The following PRMT8 variants were observed in gnomAD, a reference collection of about 807,000 sequenced individuals.
PRMT8 encodes the protein protein arginine N-methyltransferase 8.
PRMT8 carries 7 observed loss-of-function variants against 47.1 expected under a neutral mutation model. The ratio of observed to expected loss-of-function variants is 0.15; its 90% CI spans 0.08 to 0.28. The LOEUF is 0.28. Ranked by LOEUF, PRMT8 falls within the 10% of genes least tolerant of loss-of-function variation. PRMT8 has a pLI of 1.00. For synonymous variants in PRMT8, 188 were observed against 186.5 expected, an observed-to-expected ratio of 1.01 and a Z score of -0.07; for missense variants, 237 against 505.4, an observed-to-expected ratio of 0.47 and a Z score of 5.09.
intron 1 of PRMT8, among the ~76,000 whole-genome samples, chr12:3,530,207 G>A (rs1023181462): frequency 5.3e-5 from 8 of 152,120 alleles, no homozygotes; most frequent in Non-Finnish European, 1.0e-4. Flanking sequence ...CTCAAGGGAA[G>A]TGAATGCTCT....
intron 1 of PRMT8, among the ~76,000 whole-genome samples, chr12:3,403,837 A>G (rs900928720): frequency 7.3e-6 from 1 of 137,616 alleles, no homozygotes; most frequent in African/African-American, 2.7e-5. Context: ...AGATCATGCC[A>G]CTGCACTCCA....
intron 1 of PRMT8, among the ~76,000 whole-genome samples, chr12:3,432,646 C>A (rs947151482): frequency 4.0e-5 from 6 of 151,846 alleles, no homozygotes; most frequent in African/African-American, 7.3e-5. Context: ...GCTCTCTGGG[C>A]AAGAGGCTGC....
At chr12:3,467,008 C>T (rs572097399) in intron 1 of PRMT8, among the ~76,000 whole-genome samples, 166 of 152,064 alleles carry the variant, frequency 1.1e-3, no homozygotes, top group African/African-American at 2.4e-3. Flanking sequence ...GAGGCGGAGG[C>T]GGGTGGATCA....
rs1867100651 is a variant in PRMT8 at position 3,583,022 on chromosome 12, A to G, written c.829-36A>G. 3 of 1,600,128 alleles carry G rather than the reference A, an allele frequency of 1.9e-6. No homozygotes were observed. Among genetic ancestry groups the G allele is most frequent in the African/African-American group, 1.3e-5 (1 of 74,532 alleles). ...CCGGGACCCAGACTTGGTGGAGGCG[A>G]TAAGTTCCCGGCATTCTCTCTTCTC... is the stretch of plus-strand genomic sequence containing the variant. On this transcript the variant is annotated intron_variant, in intron 7 of 9. Coordinates refer to ENST00000382622, the MANE Select transcript of PRMT8 (RefSeq NM_019854.5). The surrounding 1 kb of genome is among the most constrained non-coding windows in gnomAD (Gnocchi z 4.7).
At chr12:3,513,580 A>G (rs371462342) in intron 1 of PRMT8, among the ~76,000 whole-genome samples, 2 of 152,004 alleles carry the variant, frequency 1.3e-5, no homozygotes, top group African/African-American at 4.8e-5. Flanking sequence ...TACTCTTCCA[A>G]TTGCAGTTTT....
intron 2 of PRMT8, among the ~76,000 whole-genome samples, chr12:3,541,063 C>T (rs758512562): frequency 1.3e-5 from 2 of 152,208 alleles, no homozygotes; most frequent in Non-Finnish European, 2.9e-5. Flanking sequence ...GTTTTACATT[C>T]CAGCTCCCGT....
At chr12:3,536,399 A>C (rs986019576) in intron 1 of PRMT8, among the ~76,000 whole-genome samples, 1 of 152,182 alleles carries the variant, frequency 6.6e-6, no homozygotes, top group Non-Finnish European at 1.5e-5. Context: ...CCTGCATGGC[A>C]CACGGCAGAC....
In PRMT8 at chr12:3,593,407, G is replaced by T. The variant is rs1006930848; in HGVS notation, c.*225G>T. The T allele has an allele frequency of 3.8e-6, 2 of 530,548 alleles. No homozygotes were observed. Among genetic ancestry groups the T allele is most frequent in the Admixed American group, 7.6e-5 (2 of 26,450 alleles). The allele number at this position is 530,548 out of a possible 1,614,324, so 32.9% of individuals were successfully genotyped here. A position where few individuals can be genotyped will look rare whatever the true frequency, so the allele number is the denominator to read the frequency against. Reference sequence around the variant, plus strand: ...TGGTAGCCCTTCACGAAGGCTTTGTGTTGCCAACAAAGAGCGACCTGGCGT... The same window carrying T: ...TGGTAGCCCTTCACGAAGGCTTTGTTTTGCCAACAAAGAGCGACCTGGCGT... On this transcript the variant is annotated 3_prime_UTR_variant, in exon 10 of 10. Transcript: ENST00000382622. The surrounding 1 kb of genome is among the most constrained non-coding windows in gnomAD (Gnocchi z 4.8).
intron 1 of PRMT8, among the ~76,000 whole-genome samples, chr12:3,510,529 T>C (rs980754036): frequency 6.6e-6 from 1 of 152,198 alleles, no homozygotes; most frequent in African/African-American, 2.4e-5. Context: ...TATGAATATG[T>C]ACAGTTATGA....
intron 1 of PRMT8, among the ~76,000 whole-genome samples, chr12:3,516,822 C>T (rs914174559): frequency 7.2e-5 from 11 of 151,926 alleles, no homozygotes; most frequent in Admixed American, 1.3e-4. Flanking sequence ...CCCTTAGTTG[C>T]GCTCATCCAA....
At position 3,552,227 on chromosome 12, in the gene PRMT8, A is replaced by G. The variant is rs1485797022; in HGVS notation, c.418-1424A>G. ...GGGCGACAAAGTGAGATTTTGTCTCAAAAAATAAGAATCAGAAAAGTGAAG... is the reference window on the plus strand; with the variant it reads ...GGGCGACAAAGTGAGATTTTGTCTCGAAAAATAAGAATCAGAAAAGTGAAG... On this transcript the variant is annotated intron_variant, in intron 3 of 9. Coordinates refer to ENST00000382622, the MANE Select transcript of PRMT8 (RefSeq NM_019854.5). This position sits in a 1 kb window ranked among gnomAD's most constrained non-coding sequence, Gnocchi z 4.5. 1 of 153,506 alleles carries G rather than the reference A, an allele frequency of 6.5e-6. No individual in the cohort carries two copies. Among genetic ancestry groups the G allele is most frequent in the Non-Finnish European group, 1.5e-5 (1 of 68,950 alleles). The allele number at this position is 153,506 out of a possible 1,614,324, so 9.5% of individuals were successfully genotyped here.
At chr12:3,407,015 T>A (rs1864378923) in intron 1 of PRMT8, among the ~76,000 whole-genome samples, 1 of 152,054 alleles carries the variant, frequency 6.6e-6, no homozygotes, top group Admixed American at 6.6e-5. Flanking sequence ...AGGAAAGAGG[T>A]TTAATTAACT....
intron 1 of PRMT8, among the ~76,000 whole-genome samples, chr12:3,391,920 G>C (rs1308723053): frequency 6.6e-6 from 1 of 152,214 alleles, no homozygotes; most frequent in Non-Finnish European, 1.5e-5. Flanking sequence ...GCATTTAATG[G>C]AGCAGGTGCC....
At chr12:3,412,904 T>C (rs983439698) in intron 1 of PRMT8, among the ~76,000 whole-genome samples, 9 of 152,216 alleles carry the variant, frequency 5.9e-5, no homozygotes, top group Admixed American at 2.6e-4. Flanking sequence ...TGAGCCACCA[T>C]GCCCAGCTGC....
At chr12:3,549,503 T>A (rs1261885977) in intron 2 of PRMT8, among the ~76,000 whole-genome samples, 1 of 147,136 alleles carries the variant, frequency 6.8e-6, no homozygotes, top group Non-Finnish European at 1.5e-5. Context: ...TAGTCTTTTT[T>A]TTTTTTTAAA....
intron 2 of PRMT8, among the ~76,000 whole-genome samples, chr12:3,547,879 G>A (rs1301779393): frequency 2.6e-5 from 4 of 152,128 alleles, no homozygotes; most frequent in African/African-American, 9.7e-5. Context: ...TAGATGCCAG[G>A]AGCCTATTCT....
chr12:3,490,675 AAGAGAGAGAGAGAGAGAGAGAGAGAG>A (rs370069857), upstream of PRMT8, among the ~76,000 whole-genome samples: 1 of 121,084 alleles, frequency 8.3e-6, no homozygotes, highest in African/African-American at 3.1e-5. Flanking sequence ...TTTGGGTACA[AAGAGAGAGAGAGAGAGAGAGAGAGAG>A]AGAGAGAGAG....
intron 1 of PRMT8, among the ~76,000 whole-genome samples, chr12:3,443,829 C>A (rs955638669): frequency 2.0e-5 from 3 of 152,220 alleles, no homozygotes; most frequent in Admixed American, 2.0e-4. Context: ...AACCCCTGGA[C>A]CCCATATGGT....
intron 1 of PRMT8, among the ~76,000 whole-genome samples, chr12:3,389,508 A>T (rs1389561380): frequency 6.6e-6 from 1 of 151,950 alleles, no homozygotes; most frequent in Admixed American, 6.6e-5. Context: ...CTTCAATAGC[A>T]TTTGTTGTCC....
Sources: gnomAD v4.1 joint callset for allele counts (sites outside exome capture counted in the v4.1 genomes callset) on GRCh38, gnomAD v4.1.1 for gene constraint, Gnocchi (gnomAD v3.1) non-coding constraint, MANE v1.5 for transcripts, NCBI Gene and HGNC (gene_info 2026-07-23, HGNC 2026-07-21) for gene names.